SLC1A7: variants seen among roughly 807,000 people sequenced by gnomAD.
SLC1A7 encodes the protein solute carrier family 1 member 7.
Under a neutral mutation model 47.7 loss-of-function variants are expected in SLC1A7, and 40 were observed. The observed-to-expected ratio is 0.84, with a 90% CI of 0.65 to 1.09. The LOEUF is 1.09. SLC1A7 is among the 50% of genes least tolerant of loss of function. The pLI, the probability that SLC1A7 is intolerant of heterozygous loss-of-function variation, is 0.00. For missense variants in SLC1A7, 746 were observed against 769.5 expected, an observed-to-expected ratio of 0.97 and a Z score of 0.36; for synonymous variants, 323 against 325.6, an observed-to-expected ratio of 0.99 and a Z score of 0.09.
chr1:53,089,654 A>G (rs2150313187), intron 9 of SLC1A7, 146 bp downstream of exon 9: 2 of 792,566 alleles, frequency 2.5e-6, no homozygotes, highest in Non-Finnish European at 4.1e-6. Context: ...GGCCTGTGCT[A>G]ATGAGTAGGG....
Position 53,089,873 on chromosome 1 carries a change from T to C in SLC1A7, c.1288A>G (p.Met430Val). 9 of 1,613,696 alleles carry C rather than the reference T, an allele frequency of 5.6e-6. No homozygotes were observed. Among genetic ancestry groups the C allele is most frequent in the African/African-American group, 1.3e-5 (1 of 74,942 alleles). The change falls in exon 9 of 11, where the codon ATG (methionine) becomes GTG (valine). Residue 430 changes from methionine (M) to valine (V), a missense_variant. Met to Val is a conservative substitution (Grantham distance 21, BLOSUM62 1). Coordinates refer to ENST00000371494, the MANE Select transcript of SLC1A7 (RefSeq NM_006671.6). ...CCCACGGAGGTGAGCACGATGACCA[T>C]GGTGACGAGGCCGGCCTGGGGGATG... ...AGIPQAGLVT[M>V]VIVLTSVGLP...
Position 53,097,440 on chromosome 1 carries a change from T to C in SLC1A7, c.698-3880A>G, listed in dbSNP as rs141509742. The stretch of plus-strand genomic sequence containing the variant: ...GGTACAATCACACACACCACCTCGG[T>C]ACACTCACACACAGTGCCTTGGCAC... On this transcript the variant is annotated intron_variant, in intron 5 of 10. Transcript: ENST00000371494. Among the ~76,000 whole-genome samples the C allele has an allele frequency of 5.5e-4, 73 of 132,224 alleles. 1 individual carries two copies. In the East Asian group the frequency reaches 0.015, roughly 26 times the overall value. 86.7% of individuals were successfully genotyped at this position (132,224 alleles called of 152,430 possible). A position where few individuals can be genotyped will look rare whatever the true frequency, so the allele number is the denominator to read the frequency against.
chr1:53,128,306 T>C (rs114054727), intron 2 of SLC1A7, among the ~76,000 whole-genome samples: 14 of 152,182 alleles, frequency 9.2e-5, no homozygotes, highest in Non-Finnish European at 2.1e-4. Context: ...GAGAGCCCCA[T>C]GTCTACCCAA....
Position 53,087,915 on chromosome 1 carries a change from GC to G in SLC1A7, c.*93del. 1.6e-6 allele frequency: 1 copy of G among 627,254 alleles called. No homozygotes were observed. Among genetic ancestry groups the G allele is most frequent in the Non-Finnish European group, 2.6e-6 (1 of 388,814 alleles). 38.9% of individuals were successfully genotyped at this position (627,254 alleles called of 1,614,324 possible). ...AGGGTGAGAAGAATGTGTGATCCTGGCCCCTGCCGGCTGCTCAGGAGGGTTG... is the reference window on the plus strand; with the variant it reads ...AGGGTGAGAAGAATGTGTGATCCTGGCCCTGCCGGCTGCTCAGGAGGGTTG... On this transcript the variant is annotated 3_prime_UTR_variant, in exon 11 of 11. Transcript: ENST00000371494.
intron 1 of SLC1A7, 106 bp from the exon 2 acceptor site, chr1:53,134,535 G>T: frequency 1.5e-6 from 1 of 654,914 alleles, no homozygotes. Context: ...CCCCTGTCTA[G>T]CACATGGCAG....
intron 10 of SLC1A7, 129 bp from the exon 11 acceptor site, chr1:53,088,356 G>T: frequency 1.3e-6 from 1 of 753,722 alleles, no homozygotes; most frequent in Non-Finnish European, 2.1e-6. Context: ...CTGCAGACAC[G>T]CTGTGTGACC....
At chr1:53,115,036 C>T in intron 2 of SLC1A7, 63 bp from the exon 3 acceptor site, 2 of 1,297,254 alleles carry the variant, frequency 1.5e-6, no homozygotes, top group South Asian at 1.2e-5. Context: ...GCACTCAGCG[C>T]TCACTCAGCC....
chr1:53,129,563 TAGAAAAAAAAGAGCCCACAGCTGGAAGA>T (rs1557689031), intron 2 of SLC1A7, among the ~76,000 whole-genome samples: 49 of 139,292 alleles, frequency 3.5e-4, no homozygotes, highest in Middle Eastern at 4.1e-3. Flanking sequence ...GGAGAAATTC[TAGAAAAAAAAGAGCCCACAGCTGGAAGA>T]TGCCAGATTA....
chr1:53,111,176 G>A (rs1644697591), intron 3 of SLC1A7, among the ~76,000 whole-genome samples: 2 of 152,184 alleles, frequency 1.3e-5, no homozygotes, highest in Non-Finnish European at 2.9e-5. Flanking sequence ...GGAGGTCTCA[G>A]GAGAGGCGAC....
At chr1:53,105,626 G>T in intron 4 of SLC1A7, 106 bp downstream of exon 4, 1 of 909,472 alleles carries the variant, frequency 1.1e-6, no homozygotes, top group South Asian at 1.3e-5. Flanking sequence ...CAGACAGCGT[G>T]ACTGGCCAGC....
chr1:53,092,836 C>G (rs573127182), intron 6 of SLC1A7, 49 bp from the exon 7 acceptor site: 1 of 1,252,038 alleles, frequency 8.0e-7, no homozygotes, highest in Non-Finnish European at 1.2e-6. Flanking sequence ...GGCAGACACA[C>G]CCCGGCCCCA....
chr1:53,141,215 G>T (rs1451068187), intron 1 of SLC1A7, among the ~76,000 whole-genome samples: 1 of 152,058 alleles, frequency 6.6e-6, no homozygotes, highest in East Asian at 1.9e-4. Context: ...TCCTGATACT[G>T]GATCAAATTC....
chr1:53,102,027 C>G (rs761197406), intron 5 of SLC1A7, among the ~76,000 whole-genome samples: 57 of 152,348 alleles, frequency 3.7e-4, no homozygotes, highest in Non-Finnish European at 6.8e-4. Flanking sequence ...CGAGTTGAGT[C>G]CAAGGGTCTC....
chr1:53,129,338 T>C (rs1467663927), intron 2 of SLC1A7, among the ~76,000 whole-genome samples: 1 of 152,198 alleles, frequency 6.6e-6, no homozygotes, highest in Non-Finnish European at 1.5e-5. Context: ...GAGGCTCAGA[T>C]GCTAAAAGGC....
At chr1:53,099,739 TACAC>T (rs1330709982) in intron 5 of SLC1A7, among the ~76,000 whole-genome samples, 2 of 113,638 alleles carry the variant, frequency 1.8e-5, no homozygotes, top group African/African-American at 6.7e-5. Context: ...CCCTCCTTGT[TACAC>T]ACACACCTTA....
At chr1:53,117,813 G>A (rs1181161474) in intron 2 of SLC1A7, among the ~76,000 whole-genome samples, 1 of 152,222 alleles carries the variant, frequency 6.6e-6, no homozygotes, top group Non-Finnish European at 1.5e-5. Context: ...GATGTGGGAG[G>A]GAGTGTAGGT....
At position 53,114,901 on chromosome 1, in the gene SLC1A7, G is replaced by A. The variant is rs1435178174; in HGVS notation, c.288C>T (p.Tyr96=). The change falls in exon 3 of 11, where the codon TAC becomes TAT. Residue 96 remains tyrosine (Y), a synonymous_variant. Coordinates refer to ENST00000371494, the MANE Select transcript of SLC1A7 (RefSeq NM_006671.6). Reference sequence around the variant, plus strand: ...TGACAGCCATGAAGGTGGTCCACAGGTAGTACGCCACGGTGAGGACGCCCA... The same window carrying A: ...TGACAGCCATGAAGGTGGTCCACAGATAGTACGCCACGGTGAGGACGCCCA... ...SRLGVLTVAY[Y]LWTTFMAVIV... 6.2e-7 allele frequency: 1 copy of A among 1,614,206 alleles called. No individual in the cohort carries two copies. Among genetic ancestry groups the A allele is most frequent in the East Asian group, 2.2e-5 (1 of 44,882 alleles).
At chr1:53,128,235 G>C (rs1270789094) in intron 2 of SLC1A7, among the ~76,000 whole-genome samples, 6 of 152,178 alleles carry the variant, frequency 3.9e-5, no homozygotes, top group African/African-American at 1.2e-4. Context: ...AGCACTTTGA[G>C]AGGCCAAGGC....
At chr1:53,095,551 C>G (rs1273332142) in intron 5 of SLC1A7, among the ~76,000 whole-genome samples, 2 of 148,050 alleles carry the variant, frequency 1.4e-5, no homozygotes, top group African/African-American at 2.5e-5. Flanking sequence ...GTACACTCAA[C>G]TCGCCTTGGT....
Sources: allele counts gnomAD v4.1 joint callset (sites outside exome capture counted in the v4.1 genomes callset), GRCh38; gene constraint gnomAD v4.1.1; transcripts MANE v1.5; gene names NCBI Gene and HGNC (gene_info 2026-07-23, HGNC 2026-07-21).